Variants in CDH18 observed in about 807,000 individuals in gnomAD.
CDH18 encodes the protein cadherin-18.
Under a neutral mutation model 67.9 loss-of-function variants are expected in CDH18, and 31 were observed. The observed-to-expected ratio is 0.46, with a 90% confidence interval of 0.34 to 0.62. The LOEUF is 0.62. CDH18 is among the 20% of genes least tolerant of loss of function. The pLI is 0.01. For missense variants in CDH18, 890 were observed against 975.5 expected, an observed-to-expected ratio of 0.91 and a Z score of 1.17; for synonymous variants, 362 against 347.2, an observed-to-expected ratio of 1.04 and a Z score of -0.48.
At chr5:20,393,481 AC>A (rs1745034469) in intron 1 of CDH18, among the ~76,000 whole-genome samples, 1 of 151,942 alleles carries the variant, frequency 6.6e-6, no homozygotes, top group African/African-American at 2.4e-5. Flanking sequence ...ATTTCAACTC[AC>A]CAACTTCCTG....
intron 3 of CDH18, among the ~76,000 whole-genome samples, chr5:19,750,528 C>T (rs1029264655): frequency 6.6e-6 from 1 of 152,058 alleles, no homozygotes; most frequent in African/African-American, 2.4e-5. Context: ...AGAAATATGT[C>T]ATCTCTGAGT....
intron 1 of CDH18, chr5:20,305,764 C>A: frequency 3.6e-5 from 10 of 275,812 alleles, no homozygotes; most frequent in Admixed American, 5.0e-5. Context: ...TTTGGGCGGC[C>A]ATTTTGTAAC....
intron 1 of CDH18, among the ~76,000 whole-genome samples, chr5:20,281,169 C>G (rs1391541996): frequency 6.6e-6 from 1 of 152,052 alleles, no homozygotes; most frequent in Non-Finnish European, 1.5e-5. Context: ...CCTGTTCACT[C>G]TGATGGTAGT....
intron 2 of CDH18, among the ~76,000 whole-genome samples, chr5:20,050,723 TA>T (rs1323143623): frequency 6.6e-6 from 1 of 151,824 alleles, no homozygotes; most frequent in Non-Finnish European, 1.5e-5. Context: ...AGAATATGTG[TA>T]AAATGTCAGT....
At chr5:20,564,341 A>T (rs1276560973) in intron 1 of CDH18, among the ~76,000 whole-genome samples, 1 of 151,240 alleles carries the variant, frequency 6.6e-6, no homozygotes, top group Non-Finnish European at 1.5e-5. Context: ...ACATTGGTGC[A>T]ATCTCTGCTC....
At chr5:20,197,646 C>G (rs925286773) in intron 2 of CDH18, among the ~76,000 whole-genome samples, 1 of 152,092 alleles carries the variant, frequency 6.6e-6, no homozygotes, top group Non-Finnish European at 1.5e-5. Flanking sequence ...GTTGCAGAGT[C>G]CTGAAATTTT....
intron 2 of CDH18, chr5:19,877,886 A>G (rs1227867762): frequency 6.6e-6 from 1 of 152,178 alleles, no homozygotes; most frequent in East Asian, 1.9e-4. Context: ...ATCATTTCGC[A>G]TCTCATATAT....
intron 1 of CDH18, among the ~76,000 whole-genome samples, chr5:20,551,297 T>C (rs1211476891): frequency 6.6e-6 from 1 of 152,132 alleles, no homozygotes; most frequent in Admixed American, 6.5e-5. Flanking sequence ...TGCTCACAGG[T>C]GATCTTTGGT....
At chr5:19,981,332 A>C (rs183076801) in intron 1 of CDH18, among the ~76,000 whole-genome samples, 154 bp from the exon 2 acceptor site, 1 of 152,330 alleles carries the variant, frequency 6.6e-6, no homozygotes, top group South Asian at 2.1e-4. Flanking sequence ...GGTTTCTATT[A>C]TTTCTTAACA....
At chr5:19,702,140 TTCTC>T (rs1307872241) in intron 5 of CDH18, among the ~76,000 whole-genome samples, 1 of 122,150 alleles carries the variant, frequency 8.2e-6, no homozygotes, top group African/African-American at 3.4e-5. Context: ...CTTTCTTTCT[TTCTC>T]TCTCTTTTTT....
chr5:20,357,970 T>C (rs112829926), intron 1 of CDH18, among the ~76,000 whole-genome samples: 1,732 of 151,566 alleles, frequency 0.011, 36 homozygotes, highest in African/African-American at 0.04. Flanking sequence ...TATGCAGCCA[T>C]AAAAAATGAA....
At chr5:20,037,216 T>G (rs1376939897) in intron 2 of CDH18, among the ~76,000 whole-genome samples, 1 of 152,120 alleles carries the variant, frequency 6.6e-6, no homozygotes. Context: ...CTGTCGATGC[T>G]CTTTACAATT....
intron 2 of CDH18, among the ~76,000 whole-genome samples, chr5:20,169,330 G>A (rs951306230): frequency 6.6e-6 from 1 of 151,986 alleles, no homozygotes; most frequent in Non-Finnish European, 1.5e-5. Context: ...AAATAAAATG[G>A]AAAGTTATAC....
intron 1 of CDH18, among the ~76,000 whole-genome samples, chr5:20,510,155 T>G (rs1377260358): frequency 6.6e-6 from 1 of 152,180 alleles, no homozygotes; most frequent in African/African-American, 2.4e-5. Flanking sequence ...TGTTGAAATT[T>G]TTTTTCATAG....
At chr5:20,032,797 T>C (rs1201500886) in intron 2 of CDH18, among the ~76,000 whole-genome samples, 3 of 151,968 alleles carry the variant, frequency 2.0e-5, no homozygotes, top group Non-Finnish European at 4.4e-5. Flanking sequence ...AAATAATAAG[T>C]TGTTGTTGAA....
At chr5:20,413,397 A>T (rs1446112409) in intron 1 of CDH18, among the ~76,000 whole-genome samples, 1 of 152,234 alleles carries the variant, frequency 6.6e-6, no homozygotes, top group Non-Finnish European at 1.5e-5. Flanking sequence ...ACTGTCTTCC[A>T]CAATGGTTGA....
rs866398064 is a variant in CDH18 at position 19,952,354 on chromosome 5, T to A, written c.-257+28706A>T. ...ATGAACCACTGCACCCAGCCTATAC[T>A]TTTCCAATTTCAAATTGCAACAGAG... On this transcript the variant is annotated intron_variant, in intron 2 of 12. Transcript: ENST00000382275. Among the ~76,000 whole-genome samples the A allele has an allele frequency of 2.0e-3, 307 of 152,248 alleles. 2 individuals carry two copies. The highest frequency in any genetic ancestry group is 6.9e-3 in the African/African-American group (287 of 41,550).
At chr5:19,552,669 C>T (rs1737668498) in intron 8 of CDH18, among the ~76,000 whole-genome samples, 1 of 152,106 alleles carries the variant, frequency 6.6e-6, no homozygotes, top group African/African-American at 2.4e-5. Context: ...AAGATGTCTC[C>T]TAGTTATAGA....
intron 2 of CDH18, among the ~76,000 whole-genome samples, chr5:19,916,735 A>C (rs1791839645): frequency 6.6e-6 from 1 of 152,092 alleles, no homozygotes; most frequent in Admixed American, 6.6e-5. Context: ...TTTTTCTGTT[A>C]AGTTCTAGCA....
Sources: allele counts gnomAD v4.1 joint callset (sites outside exome capture counted in the v4.1 genomes callset), GRCh38; gene constraint gnomAD v4.1.1; transcripts MANE v1.5; gene names NCBI Gene and HGNC (gene_info 2026-07-23, HGNC 2026-07-21).